SERF2: variants seen among roughly 807,000 people sequenced by gnomAD.
The protein encoded by SERF2 is gastric cancer-related protein VRG107.
A neutral mutation model predicts 10.7 loss-of-function variants in SERF2; 4 were observed. The ratio of observed to expected loss-of-function variants is 0.37; its 90% confidence interval spans 0.18 to 0.86. The LOEUF is 0.86. SERF2 is among the 40% of genes least tolerant of loss of function. SERF2 has a pLI of 0.43. For missense variants in SERF2, 47 were observed against 79.1 expected, an observed-to-expected ratio of 0.59 and a Z score of 1.54; for synonymous variants, 26 against 26.0, an observed-to-expected ratio of 1.00 and a Z score of 0.01.
intron 1 of SERF2, among the ~76,000 whole-genome samples, chr15:43,783,516 G>A (rs996519104): frequency 2.0e-5 from 3 of 149,188 alleles, no homozygotes; most frequent in Non-Finnish European, 1.5e-5. Context: ...TGGCTAGGCT[G>A]GTCTCGAACT....
At position 43,794,589 on chromosome 15, in the gene SERF2, GCTT is replaced by G. The variant is rs1394248308; in HGVS notation, c.*820_*822del. On this transcript the variant is annotated 3_prime_UTR_variant, in exon 3 of 3. Transcript: ENST00000249786. ...GCCCTGGTTTGTTCTGTGGTTCTGGGCTTCTTATATCCGTGTGCCCAGGGCTGA... is the reference window on the plus strand; with the variant it reads ...GCCCTGGTTTGTTCTGTGGTTCTGGGCTTATATCCGTGTGCCCAGGGCTGA... 1.7e-5 allele frequency: 3 copies of G among 173,104 alleles called. No homozygotes were observed. The highest frequency in any genetic ancestry group is 2.5e-5 in the Non-Finnish European group (2 of 79,856). The allele number at this position is 173,104 out of a possible 1,614,324, so 10.7% of individuals were successfully genotyped here.
At chr15:43,793,332 C>CA in intron 2 of SERF2, 1 of 576,384 alleles carries the variant, frequency 1.7e-6, no homozygotes, top group Non-Finnish European at 3.1e-6. Flanking sequence ...ACCTTAAGGG[C>CA]AAGGGCAGGG....
At position 43,794,739 on chromosome 15, in the gene SERF2, A is replaced by G; in HGVS notation, c.*966A>G. Reference sequence around the variant, plus strand: ...TGGTGCCACACTGTCTGCTGGGATCAGCGGTGGTTCTTTGAGCTGCTGATT... The same window carrying G: ...TGGTGCCACACTGTCTGCTGGGATCGGCGGTGGTTCTTTGAGCTGCTGATT... On this transcript the variant is annotated 3_prime_UTR_variant, in exon 3 of 3. Coordinates refer to ENST00000249786, the MANE Select transcript of SERF2 (RefSeq NM_001018108.4). 1 of 431,396 alleles carries G rather than the reference A, an allele frequency of 2.3e-6. No homozygotes were observed. Among genetic ancestry groups the G allele is most frequent in the Non-Finnish European group, 4.2e-6 (1 of 237,814 alleles). The allele number at this position is 431,396 out of a possible 1,614,324, so 26.7% of individuals were successfully genotyped here.
At chr15:43,780,158 G>A (rs1258573276) in intron 1 of SERF2, among the ~76,000 whole-genome samples, 1 of 151,594 alleles carries the variant, frequency 6.6e-6, no homozygotes, top group Non-Finnish European at 1.5e-5. Context: ...TTTTTTTGGA[G>A]GCCAGAGTTT....
rs11555370 is a variant in SERF2 at position 43,793,834 on chromosome 15, C to G, written c.*61C>G. 1 of 1,613,898 alleles carries G rather than the reference C, an allele frequency of 6.2e-7. No homozygotes were observed. On this transcript the variant is annotated 3_prime_UTR_variant, in exon 3 of 3. Transcript: ENST00000249786. ...CCTGTGTGCCTGGAGCCAGTCCCAC[C>G]ACGCTCGCGTTTCCTCCTGTAGTGC... is the stretch of plus-strand genomic sequence containing the variant.
chr15:43,789,524 C>G (rs1408303412), upstream of SERF2, among the ~76,000 whole-genome samples: 1 of 152,204 alleles, frequency 6.6e-6, no homozygotes, highest in Non-Finnish European at 1.5e-5. Context: ...CAGGTGTACT[C>G]CCTTCATAGC....
chr15:43,777,103 C>T (rs1318454375), exon 1 of SERF2: 7 of 852,352 alleles, frequency 8.2e-6, no homozygotes, highest in Non-Finnish European at 1.4e-5. Context: ...TCTCCCCGGC[C>T]AACCGCCCGG....
intron 1 of SERF2, among the ~76,000 whole-genome samples, chr15:43,780,576 C>T (rs2086956862): frequency 6.6e-6 from 1 of 152,134 alleles, no homozygotes; most frequent in East Asian, 1.9e-4. Context: ...CGATTTCCCC[C>T]TCCTCCCAGC....
At chr15:43,789,217 T>C (rs1481651005), upstream of SERF2, among the ~76,000 whole-genome samples, 2 of 152,006 alleles carry the variant, frequency 1.3e-5, no homozygotes. Flanking sequence ...AGCTAGTAGT[T>C]ATATTAGCAG....
rs751850244 is a variant in SERF2, at chr15:43,795,440, C to G, written c.*1667C>G. The stretch of plus-strand genomic sequence containing the variant: ...ACATAGAGTGAGGCAAGGAAGAAGA[C>G]GAAGTGGAAGGCAGAATAGTTGTAG... On this transcript the variant is annotated 3_prime_UTR_variant, in exon 3 of 3. Transcript: ENST00000249786. The G allele has an allele frequency of 1.9e-6, 3 of 1,614,062 alleles. No homozygotes were observed. Among genetic ancestry groups the G allele is most frequent in the South Asian group, 2.2e-5 (2 of 91,076 alleles).
At chr15:43,792,116 G>C, upstream of SERF2, 4 of 539,212 alleles carry the variant, frequency 7.4e-6, no homozygotes, top group African/African-American at 1.9e-5. Context: ...AGTTTCTCCA[G>C]GCCCGTCCCT....
intron 1 of SERF2, among the ~76,000 whole-genome samples, chr15:43,783,556 C>T (rs1049391314): frequency 4.0e-5 from 6 of 151,776 alleles, no homozygotes; most frequent in African/African-American, 1.5e-4. Flanking sequence ...CTGGCCTCGG[C>T]CTCCCAAAGT....
Position 43,793,818 on chromosome 15 carries a change from C to T in SERF2, c.*45C>T, listed in dbSNP as rs750512118. On this transcript the variant is annotated 3_prime_UTR_variant, in exon 3 of 3. Coordinates refer to ENST00000249786, the MANE Select transcript of SERF2 (RefSeq NM_001018108.4). Reference sequence around the variant, plus strand: ...ACCCTCTTGCCCTTCGCCTGTGTGCCTGGAGCCAGTCCCACCACGCTCGCG... The same window carrying T: ...ACCCTCTTGCCCTTCGCCTGTGTGCTTGGAGCCAGTCCCACCACGCTCGCG... 1.2e-6 allele frequency: 2 copies of T among 1,613,722 alleles called. No individual in the cohort carries two copies. Among genetic ancestry groups the T allele is most frequent in the East Asian group, 2.2e-5 (1 of 44,832 alleles).
Sources: gnomAD v4.1 joint callset for allele counts (sites outside exome capture counted in the v4.1 genomes callset) on GRCh38, gnomAD v4.1.1 for gene constraint, MANE v1.5 for transcripts, NCBI Gene and HGNC (gene_info 2026-07-23, HGNC 2026-07-21) for gene names.